Variants in PRIM2 observed in about 807,000 individuals in gnomAD.
PRIM2 encodes the protein DNA primase subunit 2, also known as DNA primase large subunit.
PRIM2 carries 39 observed loss-of-function variants against 67.3 expected under a neutral mutation model. The ratio of observed to expected loss-of-function variants is 0.58; its 90% CI spans 0.45 to 0.76. The LOEUF is 0.76. Ranked by LOEUF, PRIM2 falls within the 30% of genes least tolerant of loss-of-function variation. PRIM2 has a pLI of 0.00. For missense variants in PRIM2, 398 were observed against 598.7 expected, an observed-to-expected ratio of 0.66 and a Z score of 3.50; for synonymous variants, 143 against 198.7, an observed-to-expected ratio of 0.72 and a Z score of 2.36.
chr6:57,440,825 T>C (rs904002765), intron 7 of PRIM2, among the ~76,000 whole-genome samples: 1 of 152,232 alleles, frequency 6.6e-6, no homozygotes, highest in African/African-American at 2.4e-5. Context: ...CTTTTCCCTA[T>C]AGAATTTCCT....
intron 7 of PRIM2, among the ~76,000 whole-genome samples, chr6:57,500,656 C>T (rs1774112628): frequency 3.3e-5 from 5 of 152,152 alleles, no homozygotes; most frequent in Non-Finnish European, 7.4e-5. Flanking sequence ...TTAGTTAAGG[C>T]GGTCTTTTTC....
chr6:57,414,586 A>G (rs1470157937), intron 7 of PRIM2, among the ~76,000 whole-genome samples: 2 of 152,128 alleles, frequency 1.3e-5, no homozygotes, highest in African/African-American at 2.4e-5. Context: ...AAATAATTCC[A>G]TATATGAATC....
At chr6:57,337,884 A>G (rs576348753) in intron 5 of PRIM2, among the ~76,000 whole-genome samples, 68 of 152,304 alleles carry the variant, frequency 4.5e-4, no homozygotes, top group South Asian at 4.4e-3. Context: ...AAATAGAGAC[A>G]CAAAAATCCC....
intron 13 of PRIM2, 48 bp downstream of exon 13, chr6:57,632,249 C>T (rs1777047407): frequency 7.9e-5 from 92 of 1,168,660 alleles, no homozygotes; most frequent in Non-Finnish European, 9.7e-5. Flanking sequence ...TCTTTTGTTA[C>T]TGTGTCACAT....
Position 57,406,937 on chromosome 6 carries a change from T to G in PRIM2, c.693+24769T>G, listed in dbSNP as rs1581872687. On this transcript the variant is annotated intron_variant, in intron 7 of 13. Transcript: ENST00000615550. ...TTTGTTGAGTTGCAAAACAGCCAGG[T>G]GAACAGTGTCATTGAGTTTACTAAA... Among the ~76,000 whole-genome samples the G allele has an allele frequency of 7.9e-5, 12 of 151,124 alleles. No individual in the cohort carries two copies. In the South Asian group the frequency reaches 2.5e-3, roughly 32 times the overall value.
the PRIM2 span, among the ~76,000 whole-genome samples, chr6:57,237,573 A>G: frequency 4.6e-5 from 7 of 152,224 alleles, no homozygotes; most frequent in South Asian, 1.5e-3. Context: ...TCTTTAATCC[A>G]CTTTGAATTA....
intron 7 of PRIM2, among the ~76,000 whole-genome samples, chr6:57,498,010 G>A (rs1456039631): frequency 6.6e-6 from 1 of 152,140 alleles, no homozygotes; most frequent in Non-Finnish European, 1.5e-5. Context: ...AGGATTTTCT[G>A]TTGTTAAAAT....
At chr6:57,339,260 C>T (rs999783152) in intron 5 of PRIM2, among the ~76,000 whole-genome samples, 24 of 152,268 alleles carry the variant, frequency 1.6e-4, no homozygotes, top group African/African-American at 4.8e-4. Context: ...GAATCAATAT[C>T]GTGAAAACGG....
intron 7 of PRIM2, 116 bp from the exon 8 acceptor site, chr6:57,507,271 T>C: frequency 1.2e-6 from 1 of 812,338 alleles, no homozygotes; most frequent in South Asian, 2.2e-5. Flanking sequence ...AAATAGAACC[T>C]TATATTTTTA....
chr6:57,423,251 G>A (rs1462391944), intron 7 of PRIM2, among the ~76,000 whole-genome samples: 1 of 152,086 alleles, frequency 6.6e-6, no homozygotes. Context: ...GTAGGAACAT[G>A]TTTTCATAGA....
At chr6:57,379,627 A>G (rs1769885627) in intron 5 of PRIM2, among the ~76,000 whole-genome samples, 1 of 152,128 alleles carries the variant, frequency 6.6e-6, no homozygotes, top group South Asian at 2.1e-4. Context: ...TTTCTCATTA[A>G]AATATTTTCT....
chr6:57,489,930 T>G (rs1216562696), intron 7 of PRIM2, among the ~76,000 whole-genome samples: 2 of 151,044 alleles, frequency 1.3e-5, no homozygotes, highest in East Asian at 1.9e-4. Context: ...TTTAAGTGTT[T>G]TTTTTTTTTT....
chr6:57,345,506 G>GTGTGTGTGTGTGTATA (rs369673115), intron 5 of PRIM2, among the ~76,000 whole-genome samples: 5 of 122,244 alleles, frequency 4.1e-5, no homozygotes, highest in Non-Finnish European at 6.7e-5. Flanking sequence ...GTGTGTGTGT[G>GTGTGTGTGTGTGTATA]TACATACATA....
chr6:57,374,761 T>G (rs1769699339), intron 5 of PRIM2, among the ~76,000 whole-genome samples: 1 of 152,094 alleles, frequency 6.6e-6, no homozygotes, highest in South Asian at 2.1e-4. Context: ...CGGCTAATTT[T>G]TGTATTTTTA....
rs1318939590 is a variant in PRIM2 at position 57,436,429 on chromosome 6, T to C, written c.693+54261T>C. Among the ~76,000 whole-genome samples, 42 of 151,970 alleles carry C rather than the reference T, an allele frequency of 2.8e-4. 1 individual carries two copies. The East Asian group carries it at 8.2e-3, about 30-fold the overall frequency. Reference sequence around the variant, plus strand: ...AGAGAGAAATTCCTATTTAAATGTTTGATTATTTGTCTTCAGAAAATGTGA... The same window carrying C: ...AGAGAGAAATTCCTATTTAAATGTTCGATTATTTGTCTTCAGAAAATGTGA... On this transcript the variant is annotated intron_variant, in intron 7 of 13. Transcript: ENST00000615550.
chr6:57,242,588 T>G, the PRIM2 span, among the ~76,000 whole-genome samples: 3 of 152,228 alleles, frequency 2.0e-5, no homozygotes, highest in Non-Finnish European at 4.4e-5. Flanking sequence ...TTAATCATAG[T>G]GTAAGCTTTT....
At chr6:57,594,287 A>G (rs1776328862) in intron 10 of PRIM2, among the ~76,000 whole-genome samples, 1 of 152,230 alleles carries the variant, frequency 6.6e-6, no homozygotes, top group African/African-American at 2.4e-5. Flanking sequence ...AAATTTCAGC[A>G]TTCTCTTTTT....
chr6:57,309,648 C>A, the PRIM2 span, among the ~76,000 whole-genome samples: 70 of 152,162 alleles, frequency 4.6e-4, no homozygotes, highest in African/African-American at 1.7e-3. Flanking sequence ...GTCTTTACAG[C>A]AGCATGATTT....
At chr6:57,578,233 A>G (rs1775998340) in intron 10 of PRIM2, among the ~76,000 whole-genome samples, 2 of 152,186 alleles carry the variant, frequency 1.3e-5, no homozygotes, top group South Asian at 4.1e-4. Flanking sequence ...GGTGATATTA[A>G]CCTTGATCAC....
Sources: allele counts gnomAD v4.1 joint callset (sites outside exome capture counted in the v4.1 genomes callset), GRCh38; gene constraint gnomAD v4.1.1; transcripts MANE v1.5; gene names NCBI Gene and HGNC (gene_info 2026-07-23, HGNC 2026-07-21).